SEPTIN14: variants seen among roughly 807,000 people sequenced by gnomAD.
The protein encoded by SEPTIN14 is septin-14.
A neutral mutation model predicts 53.6 loss-of-function variants in SEPTIN14; 40 were observed. That is an observed-to-expected ratio of 0.75 (90% confidence interval 0.58 to 0.97). The LOEUF (loss-of-function observed/expected upper bound fraction) is 0.97. Ranked by LOEUF, SEPTIN14 falls within the 50% of genes least tolerant of loss-of-function variation. The probability of loss-of-function intolerance (pLI) is 0.00; values close to 1 mark genes in which losing one functional copy is unlikely to be tolerated. For missense variants in SEPTIN14, 471 were observed against 508.2 expected, an observed-to-expected ratio of 0.93 and a Z score of 0.70; for synonymous variants, 138 against 166.8, an observed-to-expected ratio of 0.83 and a Z score of 1.33.
intron 2 of SEPTIN14, among the ~76,000 whole-genome samples, chr7:55,857,582 C>CT (rs1162739964): frequency 0.13 from 2,702 of 21,600 alleles, 1,194 homozygotes; most frequent in East Asian, 0.42. Flanking sequence ...GAGCCTGTGT[C>CT]TTTTTTTTTT....
chr7:55,858,311 G>C (rs1472720371), intron 2 of SEPTIN14, among the ~76,000 whole-genome samples: 1 of 152,148 alleles, frequency 6.6e-6, no homozygotes, highest in Non-Finnish European at 1.5e-5. Context: ...AAATAAAAAA[G>C]TATTCTCACG....
At chr7:55,861,459 G>A (rs964675142) in intron 2 of SEPTIN14, among the ~76,000 whole-genome samples, 4 of 149,248 alleles carry the variant, frequency 2.7e-5, no homozygotes, top group Non-Finnish European at 5.9e-5. Context: ...CTGAGATCAC[G>A]CCACTGCACT....
intron 7 of SEPTIN14, among the ~76,000 whole-genome samples, chr7:55,811,996 T>C (rs751649111): frequency 6.6e-6 from 1 of 152,094 alleles, no homozygotes; most frequent in African/African-American, 2.4e-5. Context: ...GGTTTTGCCA[T>C]GTGGGCCACG....
intron 6 of SEPTIN14, among the ~76,000 whole-genome samples, chr7:55,829,824 A>G (rs1789063964): frequency 7.1e-6 from 1 of 140,978 alleles, no homozygotes; most frequent in Non-Finnish European, 1.5e-5. Context: ...CCATCTCAAA[A>G]AAAAAAAAAA....
At chr7:55,857,974 A>AT in intron 2 of SEPTIN14, among the ~76,000 whole-genome samples, 1 of 152,322 alleles carries the variant, frequency 6.6e-6, no homozygotes, top group East Asian at 1.9e-4. Context: ...TCAGTGAAAG[A>AT]TTGATAGGAC....
At chr7:55,813,615 T>C (rs189335151) in intron 7 of SEPTIN14, among the ~76,000 whole-genome samples, 1 of 152,264 alleles carries the variant, frequency 6.6e-6, no homozygotes. Context: ...GAGTAGCAGC[T>C]CAGCCACAGT....
chr7:55,848,750 G>C (rs1789470352), intron 2 of SEPTIN14, among the ~76,000 whole-genome samples: 1 of 151,378 alleles, frequency 6.6e-6, no homozygotes, highest in Admixed American at 6.6e-5. Context: ...TGGGACTACA[G>C]GCACCTGCCA....
Position 55,805,379 on chromosome 7 carries a change from A to G in SEPTIN14, c.998T>C (p.Ile333Thr), listed in dbSNP as rs185254020. 6.4e-5 allele frequency: 102 copies of G among 1,585,682 alleles called. No individual in the cohort carries two copies. In the East Asian group the frequency reaches 2.2e-3, roughly 34 times the overall value. The part of the protein sequence containing the change: ...PNNQPVSFQE[I>T]FEAKRQEFYD... ...GAACTCTTGTCTTTTGGCTTCAAAG[A>G]TTTCTTGAAAACTAAAGAGAAATGT... The change falls in exon 9 of 10, where the codon ATC becomes ACC. Residue 333 changes from isoleucine (I) to threonine (T), a missense_variant. Ile to Thr is a moderately conservative substitution (Grantham distance 89). Transcript: ENST00000388975.
chr7:55,807,146 G>T lies in SEPTIN14; in HGVS notation c.930C>A (p.Tyr310Ter), dbSNP rs1291539272. ...THTQHYECYR[Y>*]QKLQKMGFTD... ...TAAAGCCCATTTTCTGCAGTTTTTG[G>T]TACCTATAACATTCATAGTGCTGAG... The change falls in exon 8 of 10, where the codon TAC becomes TAA. Residue 310 changes from tyrosine (Y) to a stop codon, truncating the protein, a stop_gained. Transcript: ENST00000388975. LOFTEE classifies it high-confidence loss of function. 6.2e-7 allele frequency: 1 copy of T among 1,605,686 alleles called. No homozygotes were observed. The highest frequency in any genetic ancestry group is 8.5e-7 in the Non-Finnish European group (1 of 1,177,218).
chr7:55,819,041 T>G, intron 7 of SEPTIN14, 86 bp downstream of exon 7: 1 of 776,000 alleles, frequency 1.3e-6, no homozygotes, highest in Non-Finnish European at 2.2e-6. Context: ...CAATATTAGT[T>G]CAAGTTAAAA....
intron 5 of SEPTIN14, among the ~76,000 whole-genome samples, chr7:55,842,514 G>T (rs1260373247): frequency 6.6e-6 from 1 of 151,414 alleles, no homozygotes; most frequent in African/African-American, 2.4e-5. Flanking sequence ...AAGGTGGGAA[G>T]ATTGCTTGAG....
intron 2 of SEPTIN14, among the ~76,000 whole-genome samples, chr7:55,861,231 C>A (rs1202317926): frequency 6.6e-6 from 1 of 152,186 alleles, no homozygotes; most frequent in Non-Finnish European, 1.5e-5. Context: ...GGCGCAGTGG[C>A]TCATGCCTAT....
intron 2 of SEPTIN14, among the ~76,000 whole-genome samples, chr7:55,854,430 G>C (rs536935774): frequency 2.0e-5 from 3 of 149,394 alleles, no homozygotes; most frequent in Non-Finnish European, 2.9e-5. Flanking sequence ...CATTGTACTG[G>C]AGGTTCTTTT....
intron 2 of SEPTIN14, among the ~76,000 whole-genome samples, chr7:55,851,320 C>T (rs1789511140): frequency 6.6e-6 from 1 of 152,078 alleles, no homozygotes; most frequent in African/African-American, 2.4e-5. Flanking sequence ...ATTTGTAACC[C>T]TCATCCCTCA....
At chr7:55,800,882 C>T (rs1197190292) in intron 9 of SEPTIN14, among the ~76,000 whole-genome samples, 1 of 152,018 alleles carries the variant, frequency 6.6e-6, no homozygotes, top group African/African-American at 2.4e-5. Flanking sequence ...GGATAGATAT[C>T]CCATTTAACT....
chr7:55,834,715 T>C lies in SEPTIN14; in HGVS notation c.559-129A>G, dbSNP rs1185596327. 3 of 624,722 alleles carry C rather than the reference T, an allele frequency of 4.8e-6. No individual in the cohort carries two copies. The Admixed American group carries it at 9.9e-5, about 21-fold the overall frequency. The allele number at this position is 624,722 out of a possible 1,614,324, so 38.7% of individuals were successfully genotyped here. ...TGGAGTGCAGGGGCACGATCTCGGC[T>C]CACTGCAAGCTCCGCCTCCTGGGTT... On this transcript the variant is annotated intron_variant, in intron 5 of 9. Coordinates refer to ENST00000388975, the MANE Select transcript of SEPTIN14 (RefSeq NM_207366.3).
intron 9 of SEPTIN14, among the ~76,000 whole-genome samples, chr7:55,803,203 G>C (rs1788552425): frequency 6.6e-6 from 1 of 152,242 alleles, no homozygotes; most frequent in Non-Finnish European, 1.5e-5. Context: ...CTCCCAAAGT[G>C]CTGGGATTAT....
intron 6 of SEPTIN14, among the ~76,000 whole-genome samples, chr7:55,820,711 G>A (rs1788877550): frequency 6.6e-6 from 1 of 152,090 alleles, no homozygotes; most frequent in South Asian, 2.1e-4. Context: ...AGGCCGAGGT[G>A]GGCGGATCAC....
intron 2 of SEPTIN14, among the ~76,000 whole-genome samples, chr7:55,851,598 G>A (rs1049673517): frequency 2.4e-4 from 37 of 152,056 alleles, no homozygotes; most frequent in Admixed American, 2.0e-3. Context: ...AAAATGAAAA[G>A]ATATTCCACG....
Sources: allele counts gnomAD v4.1 joint callset (sites outside exome capture counted in the v4.1 genomes callset), GRCh38; gene constraint gnomAD v4.1.1; transcripts MANE v1.5; gene names NCBI Gene and HGNC (gene_info 2026-07-23, HGNC 2026-07-21).